The following MGRN1 variants were observed in gnomAD, a reference collection of about 807,000 sequenced individuals.
MGRN1 encodes the protein mahogunin ring finger 1, also known as E3 ubiquitin-protein ligase MGRN1.
A neutral mutation model predicts 69.2 loss-of-function variants in MGRN1; 29 were observed. That is an observed-to-expected ratio of 0.42 (90% CI 0.31 to 0.57). The LOEUF (loss-of-function observed/expected upper bound fraction) is 0.57. Ranked by LOEUF, MGRN1 falls within the 20% of genes least tolerant of loss-of-function variation. The probability of loss-of-function intolerance (pLI) is 0.15; values close to 1 mark genes in which losing one functional copy is unlikely to be tolerated. For missense variants in MGRN1, 998 were observed against 796.2 expected (o/e 1.25, Z -3.05); for synonymous variants, 470 against 344.2 (o/e 1.37, Z -4.04).
intron 14 of MGRN1, 53 bp downstream of exon 14, chr16:4,682,999 A>G: frequency 2.0e-6 from 3 of 1,496,406 alleles, no homozygotes; most frequent in Admixed American, 4.5e-5. Flanking sequence ...GCCCTCCTCC[A>G]GCTTCTGTCG....
intron 1 of MGRN1, among the ~76,000 whole-genome samples, chr16:4,646,771 C>G (rs117791754): frequency 0.021 from 3,218 of 152,302 alleles, 58 homozygotes; most frequent in South Asian, 0.043. Flanking sequence ...CTGGCCACCT[C>G]GCTCATCTTC....
At chr16:4,641,502 C>T (rs1308389901) in intron 1 of MGRN1, among the ~76,000 whole-genome samples, 3 of 150,026 alleles carry the variant, frequency 2.0e-5, no homozygotes, top group Non-Finnish European at 4.5e-5. Flanking sequence ...GCACATACCA[C>T]TGTGCCTGGC....
At chr16:4,659,480 A>C (rs1447215256) in intron 5 of MGRN1, among the ~76,000 whole-genome samples, 2 of 152,220 alleles carry the variant, frequency 1.3e-5, no homozygotes, top group African/African-American at 4.8e-5. Context: ...CATTGTGGCC[A>C]GCTTCCTGAG....
chr16:4,671,364 C>G (rs967024043), intron 8 of MGRN1, 27 bp from the exon 9 acceptor site: 1 of 1,611,148 alleles, frequency 6.2e-7, no homozygotes, highest in African/African-American at 1.3e-5. Flanking sequence ...TTGGCGAGGG[C>G]CCAGTGAGCC....
Position 4,682,817 on chromosome 16 carries a change from C to A in MGRN1, c.1359-6C>A. 1 of 1,573,658 alleles carries A rather than the reference C, an allele frequency of 6.4e-7. No individual in the cohort carries two copies. Among genetic ancestry groups the A allele is most frequent in the Non-Finnish European group, 8.7e-7 (1 of 1,154,848 alleles). The stretch of plus-strand genomic sequence containing the variant: ...CACCCCTGCCCACCCTCTCCTCTGT[C>A]CCCAGCACCCTACGGTCCCCGTCTT... On this transcript the variant is annotated splice_polypyrimidine_tract_variant and splice_region_variant and intron_variant, in intron 13 of 16. Transcript: ENST00000262370.
chr16:4,687,899 T>C (rs1239272969), intron 16 of MGRN1: 2 of 985,562 alleles, frequency 2.0e-6, no homozygotes, highest in Non-Finnish European at 2.4e-6. Flanking sequence ...TGTTGACCCC[T>C]GTCCTGAGCC....
At chr16:4,676,726 C>T (rs952851738) in intron 10 of MGRN1, among the ~76,000 whole-genome samples, 1 of 152,194 alleles carries the variant, frequency 6.6e-6, no homozygotes, top group Non-Finnish European at 1.5e-5. Flanking sequence ...GAACATTCTA[C>T]AGCAGCCTGT....
intron 2 of MGRN1, 75 bp downstream of exon 2, chr16:4,650,558 C>T (rs1355815199): frequency 2.5e-6 from 3 of 1,204,870 alleles, no homozygotes; most frequent in African/African-American, 1.6e-5. Flanking sequence ...GCATCCCAGC[C>T]ATGAGGGCAA....
chr16:4,668,987 CAA>C (rs919001084), intron 8 of MGRN1: 2 of 150,554 alleles, frequency 1.3e-5, no homozygotes, highest in African/African-American at 4.9e-5. Context: ...CGCACATATA[CAA>C]AGACGCATAC....
intron 12 of MGRN1, among the ~76,000 whole-genome samples, chr16:4,680,953 G>T (rs560086526): frequency 6.6e-5 from 10 of 152,338 alleles, no homozygotes; most frequent in Admixed American, 1.3e-4. Flanking sequence ...ACAGAGCAGG[G>T]GCCCCCGCAG....
Position 4,689,108 on chromosome 16 carries a change from G to A in MGRN1, c.*200G>A, listed in dbSNP as rs1258617995. ...TCCCTTTTCTACAGTTGATATATTT[G>A]TAACTGGTACAAGATGAAGGACAGC... On this transcript the variant is annotated 3_prime_UTR_variant, in exon 17 of 17. Transcript: ENST00000262370. 15 of 675,844 alleles carry A rather than the reference G, an allele frequency of 2.2e-5. No individual in the cohort carries two copies. In the South Asian group the frequency reaches 3.9e-4, roughly 17 times the overall value. 41.9% of individuals were successfully genotyped at this position (675,844 alleles called of 1,614,324 possible). A position where few individuals can be genotyped will look rare whatever the true frequency, so the allele number is the denominator to read the frequency against.
At chr16:4,658,534 T>A in intron 5 of MGRN1, among the ~76,000 whole-genome samples, 1 of 107,376 alleles carries the variant, frequency 9.3e-6, no homozygotes, top group African/African-American at 3.5e-5. Context: ...AGATTCCGTC[T>A]CAGAAAAAAA....
intron 8 of MGRN1, among the ~76,000 whole-genome samples, chr16:4,668,692 AC>A (rs1402165104): frequency 2.7e-5 from 4 of 150,716 alleles, no homozygotes; most frequent in African/African-American, 7.5e-5. Flanking sequence ...ACACTCGTAC[AC>A]ATACACACAT....
intron 16 of MGRN1, chr16:4,686,583 G>A: frequency 7.7e-7 from 1 of 1,298,960 alleles, no homozygotes; most frequent in South Asian, 2.1e-5. Flanking sequence ...GAGGGGCCCT[G>A]GAACAGTCCC....
chr16:4,686,208 C>T, intron 16 of MGRN1: 2 of 1,536,040 alleles, frequency 1.3e-6, no homozygotes, highest in East Asian at 2.4e-5. Flanking sequence ...GTGCTGGCTG[C>T]TGCGCGCTTG....
At chr16:4,629,366 T>C (rs1897873516) in intron 1 of MGRN1, among the ~76,000 whole-genome samples, 1 of 152,234 alleles carries the variant, frequency 6.6e-6, no homozygotes, top group Non-Finnish European at 1.5e-5. Flanking sequence ...ATGGTGTTTC[T>C]TTTGAAGAGC....
chr16:4,625,120 G>A lies in MGRN1; in HGVS notation c.88+72G>A, dbSNP rs1003008848. 5 of 1,375,610 alleles carry A rather than the reference G, an allele frequency of 3.6e-6. No homozygotes were observed. The African/African-American group carries it at 4.6e-5, about 13-fold the overall frequency. The allele number at this position is 1,375,610 out of a possible 1,614,324, so 85.2% of individuals were successfully genotyped here. A position where few individuals can be genotyped will look rare whatever the true frequency, so the allele number is the denominator to read the frequency against. On this transcript the variant is annotated intron_variant, in intron 1 of 16. Transcript: ENST00000262370. ...GCGGACCCGGCGGGCGCGGGGGCGG[G>A]GACTCGGGGCGGGGCGCCCTGCTCG...
chr16:4,688,964 GC>G lies in MGRN1; in HGVS notation c.*57del. 1 of 1,495,026 alleles carries G rather than the reference GC, an allele frequency of 6.7e-7. No homozygotes were observed. The highest frequency in any genetic ancestry group is 2.0e-4 in the Middle Eastern group (1 of 4,934). The allele number at this position is 1,495,026 out of a possible 1,614,324, so 92.6% of individuals were successfully genotyped here. A position where few individuals can be genotyped will look rare whatever the true frequency, so the allele number is the denominator to read the frequency against. On this transcript the variant is annotated 3_prime_UTR_variant, in exon 17 of 17. Transcript: ENST00000262370. ...TCGGCTCCCCAGACTTTGCCGAGGG[GC>G]TGCTCCGGACCCCGTTGTGAGCCGG...
chr16:4,639,784 C>G (rs1356176346), intron 1 of MGRN1: 1 of 152,246 alleles, frequency 6.6e-6, no homozygotes, highest in Non-Finnish European at 1.5e-5. Context: ...GATCACGAAC[C>G]TCTGACCCGG....
Sources: allele counts gnomAD v4.1 joint callset (sites outside exome capture counted in the v4.1 genomes callset), GRCh38; gene constraint gnomAD v4.1.1; transcripts MANE v1.5; gene names NCBI Gene and HGNC (gene_info 2026-07-23, HGNC 2026-07-21).